Variants in LRCH1 observed in about 807,000 individuals in gnomAD.
The protein encoded by LRCH1 is leucine rich repeats and calponin homology domain containing 1.
A neutral mutation model predicts 94.9 loss-of-function variants in LRCH1; 23 were observed. The observed-to-expected ratio is 0.24, with a 90% CI of 0.17 to 0.34. The LOEUF is 0.34. Ranked by LOEUF, LRCH1 falls within the 10% of genes least tolerant of loss-of-function variation. The probability of loss-of-function intolerance (pLI) is 1.00; values close to 1 mark genes in which losing one functional copy is unlikely to be tolerated. For synonymous variants in LRCH1, 364 were observed against 354.9 expected, an observed-to-expected ratio of 1.03 and a Z score of -0.29; for missense variants, 790 against 945.9, an observed-to-expected ratio of 0.84 and a Z score of 2.16.
intron 3 of LRCH1, 41 bp from the exon 4 acceptor site, chr13:46,681,700 G>A (rs2051752642): frequency 7.3e-7 from 1 of 1,368,022 alleles, no homozygotes; most frequent in South Asian, 1.2e-5. Context: ...TGATTTCCTG[G>A]AAAAAGATGT....
chr13:46,554,817 G>T (rs1048257601), intron 1 of LRCH1, among the ~76,000 whole-genome samples: 2 of 144,432 alleles, frequency 1.4e-5, no homozygotes, highest in Non-Finnish European at 2.9e-5. Flanking sequence ...TGGGTGCTCC[G>T]TTTTGGAGCC....
intron 1 of LRCH1, among the ~76,000 whole-genome samples, chr13:46,607,951 G>C (rs2137996448): frequency 6.6e-6 from 1 of 152,250 alleles, no homozygotes; most frequent in East Asian, 1.9e-4. Flanking sequence ...AAGCAGAACT[G>C]AGGGCAGGGA....
rs1209271261 is a variant in LRCH1 at position 46,689,214 on chromosome 13, A to G, written c.1014+18A>G. On this transcript the variant is annotated intron_variant, in intron 7 of 19. Transcript: ENST00000389797. ...CCACCGAGGTAAAGTTAGTGATCAG[A>G]TTCTTTTCCTTCTGTACTTCTAGAC... The G allele has an allele frequency of 6.2e-7, 1 of 1,603,074 alleles. No individual in the cohort carries two copies. The highest frequency in any genetic ancestry group is 2.2e-5 in the East Asian group (1 of 44,694).
At chr13:46,685,833 A>C in intron 4 of LRCH1, 72 bp from the exon 5 acceptor site, 1 of 1,104,652 alleles carries the variant, frequency 9.1e-7, no homozygotes, top group Non-Finnish European at 1.2e-6. Flanking sequence ...TTAATTTTTG[A>C]ATGATTAGCC....
chr13:46,653,103 C>T (rs842411), intron 2 of LRCH1, among the ~76,000 whole-genome samples: 90,096 of 151,832 alleles, frequency 0.59, 26,711 homozygotes, highest in South Asian at 0.68. Flanking sequence ...CCATGTGGTA[C>T]GTTATAAACA....
intron 1 of LRCH1, among the ~76,000 whole-genome samples, chr13:46,633,253 T>C (rs781434126): frequency 9.8e-5 from 15 of 152,354 alleles, no homozygotes; most frequent in Non-Finnish European, 2.2e-4. Context: ...AACTTCTCAA[T>C]AAACATAGTA....
chr13:46,745,961 C>T (rs766092099), downstream of LRCH1, among the ~76,000 whole-genome samples: 4 of 152,162 alleles, frequency 2.6e-5, no homozygotes, highest in Non-Finnish European at 5.9e-5. Context: ...TGAGGGTTCG[C>T]TGGTCCCATC....
Position 46,695,105 on chromosome 13 carries a change from C to T in LRCH1, c.1245+88C>T, listed in dbSNP as rs1419583728. 14 of 1,485,980 alleles carry T rather than the reference C, an allele frequency of 9.4e-6. No homozygotes were observed. In the Admixed American group the frequency reaches 1.7e-4, roughly 19 times the overall value. The allele number at this position is 1,485,980 out of a possible 1,614,324, so 92.0% of individuals were successfully genotyped here. On this transcript the variant is annotated intron_variant, in intron 9 of 19. Transcript: ENST00000389797. ...TTAAGTTGAAGGTTGCCAATCCATC[C>T]CCTTCAATGTCCAGCTTGCTGCACC...
chr13:46,607,811 C>T (rs1377443335), intron 1 of LRCH1, among the ~76,000 whole-genome samples: 2 of 152,134 alleles, frequency 1.3e-5, no homozygotes, highest in Admixed American at 6.5e-5. Context: ...GTGAGGGGTG[C>T]GGCAGGGAAG....
chr13:46,577,414 A>G (rs2050316281), intron 1 of LRCH1, among the ~76,000 whole-genome samples: 1 of 152,166 alleles, frequency 6.6e-6, no homozygotes, highest in African/African-American at 2.4e-5. Flanking sequence ...TCTTCTTTTA[A>G]AGGCATCACC....
intron 1 of LRCH1, among the ~76,000 whole-genome samples, chr13:46,566,564 A>G (rs2050186772): frequency 1.3e-5 from 2 of 152,224 alleles, no homozygotes; most frequent in Admixed American, 1.3e-4. Flanking sequence ...AAGGGCACTT[A>G]TCACAAGTTA....
At chr13:46,677,152 G>C (rs140414903) in intron 3 of LRCH1, among the ~76,000 whole-genome samples, 3,240 of 150,454 alleles carry the variant, frequency 0.022, 123 homozygotes, top group African/African-American at 0.075. Flanking sequence ...GCTCACGCCT[G>C]TAATTCCAAC....
At chr13:46,705,041 C>T (rs1328103470) in intron 11 of LRCH1, 27 bp from the exon 12 acceptor site, 15 of 1,216,504 alleles carry the variant, frequency 1.2e-5, no homozygotes, top group Non-Finnish European at 1.7e-5. Context: ...AATACGTTTA[C>T]TAATATCTTT....
At chr13:46,715,532 G>A (rs1005280571) in intron 15 of LRCH1, 28 bp from the exon 16 acceptor site, 12 of 1,352,264 alleles carry the variant, frequency 8.9e-6, no homozygotes, top group African/African-American at 5.8e-5. Context: ...GCAACTGTAC[G>A]CGGACTGGCT....
chr13:46,633,955 C>T (rs2051050507), intron 1 of LRCH1, among the ~76,000 whole-genome samples: 1 of 150,254 alleles, frequency 6.7e-6, no homozygotes, highest in South Asian at 2.1e-4. Context: ...TCTCAGTTCA[C>T]TGCAACCTCC....
chr13:46,675,168 A>T (rs2051654480), intron 3 of LRCH1, among the ~76,000 whole-genome samples: 1 of 152,220 alleles, frequency 6.6e-6, no homozygotes. Context: ...ACCATGCCTG[A>T]TGGATGAGGT....
intron 1 of LRCH1, among the ~76,000 whole-genome samples, chr13:46,572,883 G>T (rs1025305593): frequency 6.6e-5 from 10 of 152,094 alleles, no homozygotes; most frequent in African/African-American, 2.4e-4. Flanking sequence ...GACAAGGATA[G>T]TAGCGTGCTC....
chr13:46,659,435 C>T (rs996022429), intron 2 of LRCH1, among the ~76,000 whole-genome samples: 8 of 152,076 alleles, frequency 5.3e-5, no homozygotes, highest in African/African-American at 1.2e-4. Flanking sequence ...CCAGATGATC[C>T]GCCCCTCTCA....
intron 1 of LRCH1, among the ~76,000 whole-genome samples, chr13:46,619,064 T>TCCTTCCTTCCTTCCTTCCTTCCTTCC (rs1555273945): frequency 1.7e-5 from 2 of 114,652 alleles, no homozygotes; most frequent in South Asian, 3.0e-4. Context: ...TCTTTTCTTT[T>TCCTTCCTTCCTTCCTTCCTTCCTTCC]TTCCTTCCTT....
Sources: gnomAD v4.1 joint callset for allele counts (sites outside exome capture counted in the v4.1 genomes callset) on GRCh38, gnomAD v4.1.1 for gene constraint, MANE v1.5 for transcripts, NCBI Gene and HGNC (gene_info 2026-07-23, HGNC 2026-07-21) for gene names.